PPP2R5E: variants seen among roughly 807,000 people sequenced by gnomAD.
PPP2R5E encodes the protein protein phosphatase 2 regulatory subunit B'epsilon.
PPP2R5E carries 4 observed loss-of-function variants against 65.3 expected under a neutral mutation model. The observed-to-expected ratio is 0.06, with a 90% CI of 0.03 to 0.14. PPP2R5E has a LOEUF of 0.14. Ranked by LOEUF, PPP2R5E falls within the 10% of genes least tolerant of loss-of-function variation. The probability of loss-of-function intolerance (pLI) is 1.00; values close to 1 mark genes in which losing one functional copy is unlikely to be tolerated. For synonymous variants in PPP2R5E, 183 were observed against 187.4 expected, an observed-to-expected ratio of 0.98 and a Z score of 0.19; for missense variants, 274 against 556.1, an observed-to-expected ratio of 0.49 and a Z score of 5.10.
At chr14:63,436,156 G>A (rs11849563) in intron 3 of PPP2R5E, among the ~76,000 whole-genome samples, 3,336 of 152,232 alleles carry the variant, frequency 0.022, 99 homozygotes, top group African/African-American at 0.06. Flanking sequence ...AAACTGAATT[G>A]AGTGTTTTCT....
chr14:63,487,803 C>T (rs75616773), intron 2 of PPP2R5E, among the ~76,000 whole-genome samples: 6,693 of 152,188 alleles, frequency 0.044, 161 homozygotes, highest in African/African-American at 0.052. Context: ...TCACATTGAT[C>T]ATCTCAACAT....
At chr14:63,501,508 T>C (rs533882577) in intron 2 of PPP2R5E, among the ~76,000 whole-genome samples, 17 of 152,030 alleles carry the variant, frequency 1.1e-4, no homozygotes, top group African/African-American at 4.1e-4. Flanking sequence ...ATAAAGTAGA[T>C]TAGTGATTAA....
chr14:63,433,032 G>GTTTTTTTTTTTTTTT (rs747571866), intron 3 of PPP2R5E, among the ~76,000 whole-genome samples: 1 of 96,464 alleles, frequency 1.0e-5, no homozygotes, highest in Non-Finnish European at 2.1e-5. Context: ...GTTTTGTTTT[G>GTTTTTTTTTTTTTTT]TTTTTTTTTT....
At chr14:63,380,000 A>G (rs1050163205) in intron 13 of PPP2R5E, among the ~76,000 whole-genome samples, 7 of 151,598 alleles carry the variant, frequency 4.6e-5, no homozygotes. Context: ...GTGCCTGGCT[A>G]ATTTTCATAC....
intron 3 of PPP2R5E, among the ~76,000 whole-genome samples, chr14:63,430,313 A>G (rs1358691452): frequency 6.6e-6 from 1 of 150,468 alleles, no homozygotes; most frequent in Non-Finnish European, 1.5e-5. Flanking sequence ...TAGGAGTTGG[A>G]GACCAGAGTG....
chr14:63,500,369 A>C (rs1047453197), intron 2 of PPP2R5E, among the ~76,000 whole-genome samples: 1 of 152,230 alleles, frequency 6.6e-6, no homozygotes, highest in Non-Finnish European at 1.5e-5. Flanking sequence ...ATGAAGATGC[A>C]TACTTACAAT....
chr14:63,510,211 C>G (rs1892393496), intron 2 of PPP2R5E, among the ~76,000 whole-genome samples: 1 of 152,326 alleles, frequency 6.6e-6, no homozygotes, highest in Admixed American at 6.5e-5. Context: ...AGAAAACCAG[C>G]TGCCTCCAGC....
chr14:63,474,398 G>A lies in PPP2R5E; in HGVS notation c.158-20513C>T, dbSNP rs548615840. ...AGAGGGAAGAAATAGTTTGGTGGGG[G>A]AAATCAAGTGTTACACTGACAATGT... is the stretch of plus-strand genomic sequence containing the variant. On this transcript the variant is annotated intron_variant, in intron 2 of 13. Coordinates refer to ENST00000337537, the MANE Select transcript of PPP2R5E (RefSeq NM_006246.5). Among the ~76,000 whole-genome samples the A allele has an allele frequency of 2.6e-5, 4 of 152,166 alleles. No homozygotes were observed. The East Asian group carries it at 7.7e-4, about 29-fold the overall frequency.
At chr14:63,541,715 C>G (rs8021183) in intron 1 of PPP2R5E, among the ~76,000 whole-genome samples, 23,214 of 152,002 alleles carry the variant, frequency 0.15, 2,093 homozygotes, top group African/African-American at 0.24. Flanking sequence ...AAAAAGTTAC[C>G]TGGATTACGT....
At position 63,419,104 on chromosome 14, in the gene PPP2R5E, T is replaced by G. The variant is rs185524290; in HGVS notation, c.456+2889A>C. On this transcript the variant is annotated intron_variant, in intron 4 of 13. Transcript: ENST00000337537. Reference sequence around the variant, plus strand: ...TCAAGTGATCCACCCGCCTTGGCCTTCCAAAGTGTTAGTATTACAGGTATG... The same window carrying G: ...TCAAGTGATCCACCCGCCTTGGCCTGCCAAAGTGTTAGTATTACAGGTATG... Among the ~76,000 whole-genome samples the G allele has an allele frequency of 2.9e-3, 440 of 152,256 alleles. 1 individual carries two copies. Among genetic ancestry groups the G allele is most frequent in the African/African-American group, 9.3e-3 (387 of 41,534 alleles).
intron 2 of PPP2R5E, among the ~76,000 whole-genome samples, chr14:63,504,442 C>T (rs1290120691): frequency 6.6e-6 from 1 of 151,982 alleles, no homozygotes; most frequent in East Asian, 1.9e-4. Context: ...ATTAGCCAGG[C>T]GTGGTGGCTC....
At chr14:63,521,997 G>A (rs867283470) in intron 2 of PPP2R5E, among the ~76,000 whole-genome samples, 4 of 121,938 alleles carry the variant, frequency 3.3e-5, no homozygotes, top group South Asian at 2.9e-4. Context: ...ATACCGAGCC[G>A]AAGCTGGACT....
intron 13 of PPP2R5E, among the ~76,000 whole-genome samples, chr14:63,381,514 T>C (rs1424062194): frequency 6.3e-5 from 9 of 142,674 alleles, no homozygotes; most frequent in Admixed American, 1.5e-4. Flanking sequence ...TGAAATATTA[T>C]TAAAGAAAGG....
At position 63,401,785 on chromosome 14, in the gene PPP2R5E, TAA is replaced by T. The variant is rs564260977; in HGVS notation, c.550-5071_550-5070del. Among the ~76,000 whole-genome samples the T allele has an allele frequency of 1.1e-4, 17 of 152,260 alleles. 1 individual carries two copies. In the East Asian group the frequency reaches 3.3e-3, roughly 29 times the overall value. ...AGTGGATGACAAGAGGTAACTATCTTAAGTTTCCTCTTTCTCCAGTCTGCTAA... is the reference window on the plus strand; with the variant it reads ...AGTGGATGACAAGAGGTAACTATCTTGTTTCCTCTTTCTCCAGTCTGCTAA... On this transcript the variant is annotated intron_variant, in intron 5 of 13. Transcript: ENST00000337537.
chr14:63,538,097 C>T (rs1418989454), intron 2 of PPP2R5E, among the ~76,000 whole-genome samples: 1 of 152,120 alleles, frequency 6.6e-6, no homozygotes, highest in Non-Finnish European at 1.5e-5. Context: ...GCCTGTGCAA[C>T]ATGGCAAAAC....
At chr14:63,494,682 C>T (rs1891452966) in intron 2 of PPP2R5E, among the ~76,000 whole-genome samples, 2 of 146,976 alleles carry the variant, frequency 1.4e-5, no homozygotes, top group Admixed American at 1.3e-4. Context: ...ATTACTTGAG[C>T]TCACCAGTTC....
chr14:63,493,757 A>T (rs1426888126), intron 2 of PPP2R5E, among the ~76,000 whole-genome samples: 1 of 152,112 alleles, frequency 6.6e-6, no homozygotes, highest in African/African-American at 2.4e-5. Context: ...GTGAGCTTCA[A>T]ATGACACAGG....
intron 1 of PPP2R5E, among the ~76,000 whole-genome samples, 185 bp from the exon 2 acceptor site, chr14:63,539,877 G>A (rs1350361858): frequency 2.6e-5 from 4 of 152,192 alleles, no homozygotes; most frequent in South Asian, 2.1e-4. Context: ...TGTAATCCCA[G>A]CACTTTGGGA....
intron 3 of PPP2R5E, among the ~76,000 whole-genome samples, chr14:63,426,025 AC>A (rs1887315667): frequency 6.6e-6 from 1 of 152,184 alleles, no homozygotes; most frequent in African/African-American, 2.4e-5. Context: ...TTACTTCTCA[AC>A]ATTCACCAAA....
Sources: gnomAD v4.1 joint callset for allele counts (sites outside exome capture counted in the v4.1 genomes callset) on GRCh38, gnomAD v4.1.1 for gene constraint, MANE v1.5 for transcripts, NCBI Gene and HGNC (gene_info 2026-07-23, HGNC 2026-07-21) for gene names.